Variants in FANCA observed in about 807,000 individuals in gnomAD.
The protein encoded by FANCA is FA complementation group A, also known as Fanconi anemia group A protein.
A neutral mutation model predicts 194.3 loss-of-function variants in FANCA; 236 were observed. The observed-to-expected ratio is 1.21, with a 90% confidence interval of 1.09 to 1.35. FANCA has a LOEUF of 1.35. FANCA is among the 40% of genes most tolerant of loss of function. The probability of loss-of-function intolerance (pLI) is 0.00; values close to 1 mark genes in which losing one functional copy is unlikely to be tolerated. For missense variants in FANCA, 2,628 were observed against 1,813.9 expected, an observed-to-expected ratio of 1.45 and a Z score of -8.15; for synonymous variants, 1,014 against 715.8, an observed-to-expected ratio of 1.42 and a Z score of -6.65.
rs113265242 is a variant in FANCA, at chr16:89,804,985, G to C, written c.709+295C>G. On this transcript the variant is annotated intron_variant, in intron 7 of 42. Coordinates refer to ENST00000389301, the MANE Select transcript of FANCA (RefSeq NM_000135.4). ...CAGGAGGCGGAGGTTGCAGTGAGCTGAGATCGCGCCACTGTACTCCAGCCT... is the reference window on the plus strand; with the variant it reads ...CAGGAGGCGGAGGTTGCAGTGAGCTCAGATCGCGCCACTGTACTCCAGCCT... 3.9e-5 allele frequency among the ~76,000 whole-genome samples: 6 copies of C among 152,314 alleles called. 1 individual carries two copies. Among genetic ancestry groups the C allele is most frequent in the African/African-American group, 1.4e-4 (6 of 41,578 alleles).
chr16:89,798,314 T>G (rs556552822), intron 10 of FANCA: 1 of 1,020,636 alleles, frequency 9.8e-7, no homozygotes, highest in African/African-American at 1.7e-5. Flanking sequence ...CTCTGGCACT[T>G]TGTTACAGCA....
intron 8 of FANCA, among the ~76,000 whole-genome samples, chr16:89,800,932 C>G (rs1371907844): frequency 2.0e-5 from 3 of 150,948 alleles, no homozygotes; most frequent in Admixed American, 6.6e-5. Context: ...ACTCGGGAGA[C>G]TGAGGCAGGA....
chr16:89,779,367 C>G (rs1042351101), intron 18 of FANCA, among the ~76,000 whole-genome samples: 3 of 152,088 alleles, frequency 2.0e-5, no homozygotes, highest in Non-Finnish European at 4.4e-5. Context: ...CACCAGAATT[C>G]AAGATGTTTT....
intron 27 of FANCA, among the ~76,000 whole-genome samples, chr16:89,765,326 C>T (rs1005077838): frequency 1.3e-5 from 2 of 151,224 alleles, no homozygotes; most frequent in Admixed American, 1.3e-4. Flanking sequence ...CAACACACAA[C>T]CCCACGTTCA....
Position 89,805,320 on chromosome 16 carries a change from T to G in FANCA, c.669A>C (p.Ala223=). ...TGGCGACGTCAGCATGCTGGCAGGATGCTTCCATCTGTTCACAAAGGCAGC... is the reference window on the plus strand; with the variant it reads ...TGGCGACGTCAGCATGCTGGCAGGAGGCTTCCATCTGTTCACAAAGGCAGC... ...NLCCLCEQME[A]SCQHADVARA... is the part of the protein sequence containing the mutation. Residue 223 remains alanine (A), a synonymous_variant, in exon 7 of 43, where the codon GCA becomes GCC. Transcript: ENST00000389301. The G allele has an allele frequency of 6.2e-7, 1 of 1,614,044 alleles. No individual in the cohort carries two copies. The highest frequency in any genetic ancestry group is 2.2e-5 in the East Asian group (1 of 44,878).
intron 32 of FANCA, 134 bp from the exon 33 acceptor site, chr16:89,748,901 G>A (rs2038484000): frequency 1.4e-6 from 1 of 737,388 alleles, no homozygotes; most frequent in South Asian, 1.5e-5. Context: ...CTTGGCCTGT[G>A]TCCCTCTGTC....
intron 13 of FANCA, 63 bp downstream of exon 13, chr16:89,791,864 C>G: frequency 6.2e-7 from 1 of 1,607,142 alleles, no homozygotes; most frequent in South Asian, 1.1e-5. Flanking sequence ...TCAGCTGGGA[C>G]TCTGCTGACA....
Position 89,752,205 on chromosome 16 carries a change from T to A in FANCA, c.2999A>T (p.His1000Leu). Residue 1000 changes from histidine (H) to leucine (L), a missense_variant, in exon 31 of 43, where the codon CAC becomes CTC. By Grantham distance (99) the His-to-Leu change is moderately conservative. Transcript: ENST00000389301. ...AAAGACCAAATCAGAATTTTCTGAG[T>A]GGTCATAACTCCTTGAGCTGAAATG... Reference protein sequence around the residue: ...DFHQSSRSYDHSENSDLVFGG... With the variant: ...DFHQSSRSYDLSENSDLVFGG... 1 of 1,613,844 alleles carries A rather than the reference T, an allele frequency of 6.2e-7. No homozygotes were observed. Among genetic ancestry groups the A allele is most frequent in the Non-Finnish European group, 8.5e-7 (1 of 1,179,792 alleles).
rs149797103 is a variant in FANCA at position 89,744,961 on chromosome 16, G to A, written c.3624C>T (p.Ser1208=). Residue 1208 remains serine, a splice_region_variant and synonymous_variant, in exon 36 of 43, where the codon AGC becomes AGT. Coordinates refer to ENST00000389301, the MANE Select transcript of FANCA (RefSeq NM_000135.4). Reference sequence around the variant, plus strand: ...CCCATCTCACCACCCACACGTACTCGCTGGCAAACTGCCGGCCTTCTTGTA... The same window carrying A: ...CCCATCTCACCACCCACACGTACTCACTGGCAAACTGCCGGCCTTCTTGTA... ...QKLQEGRQFA[S]DFLSPEAASP... 5.9e-5 allele frequency: 95 copies of A among 1,611,568 alleles called. No homozygotes were observed. The highest frequency in any genetic ancestry group is 5.5e-5 in the South Asian group (5 of 90,994).
chr16:89,815,227 G>C (rs1437534083), intron 2 of FANCA, among the ~76,000 whole-genome samples: 4 of 151,848 alleles, frequency 2.6e-5, no homozygotes, highest in African/African-American at 9.7e-5. Flanking sequence ...AGTAGTGACG[G>C]GGTTTCACCA....
Position 89,740,055 on chromosome 16 carries a change from G to T in FANCA, c.3873C>A (p.Ile1291=), listed in dbSNP as rs2062089414. The T allele has an allele frequency of 6.2e-7, 1 of 1,614,176 alleles. No homozygotes were observed. The highest frequency in any genetic ancestry group is 8.5e-7 in the Non-Finnish European group (1 of 1,180,042). Reference sequence around the variant, plus strand: ...TCTTCCTCTTCTCTAAACACTCGAGGATTGCTGCACAAACGTGGAAAGCCT... The same window carrying T: ...TCTTCCTCTTCTCTAAACACTCGAGTATTGCTGCACAAACGTGGAAAGCCT... ...LPKAFHVCAA[I]LECLEKRKIS... Residue 1291 remains isoleucine, a synonymous_variant, in exon 39 of 43, where the codon ATC becomes ATA. Coordinates refer to ENST00000389301, the MANE Select transcript of FANCA (RefSeq NM_000135.4).
chr16:89,797,831 G>A (rs2040299996), intron 10 of FANCA, among the ~76,000 whole-genome samples: 1 of 151,942 alleles, frequency 6.6e-6, no homozygotes. Context: ...GGAGGCAGAG[G>A]TTGCAGTGAG....
intron 11 of FANCA, among the ~76,000 whole-genome samples, chr16:89,794,047 GC>G (rs2040162626): frequency 6.6e-6 from 1 of 151,836 alleles, no homozygotes; most frequent in African/African-American, 2.4e-5. Context: ...ACTGCTCCTG[GC>G]CAAAAAGTTG....
intron 24 of FANCA, 56 bp from the exon 25 acceptor site, chr16:89,770,315 C>G (rs2039281042): frequency 1.4e-6 from 2 of 1,431,382 alleles, no homozygotes; most frequent in South Asian, 1.2e-5. Context: ...GCACATCCCT[C>G]CAACAGCTAA....
At position 89,738,369 on chromosome 16, in the gene FANCA, C is replaced by T. The variant is rs1325300725; in HGVS notation, c.*232G>A. 10 of 1,448,302 alleles carry T rather than the reference C, an allele frequency of 6.9e-6. No individual in the cohort carries two copies. Among genetic ancestry groups the T allele is most frequent in the African/African-American group, 2.8e-5 (2 of 70,974 alleles). 89.7% of individuals were successfully genotyped at this position (1,448,302 alleles called of 1,614,324 possible). A position where few individuals can be genotyped will look rare whatever the true frequency, so the allele number is the denominator to read the frequency against. On this transcript the variant is annotated 3_prime_UTR_variant, in exon 43 of 43. Transcript: ENST00000389301. ...TGCTGCCCGCCCTTGGTGCTGGAGG[C>T]GGGCTTGGTGTCCGGCTCAAGTAGC... is the stretch of plus-strand genomic sequence containing the variant.
intron 30 of FANCA, among the ~76,000 whole-genome samples, chr16:89,758,040 G>C (rs533927444): frequency 2.0e-5 from 3 of 152,178 alleles, no homozygotes; most frequent in Non-Finnish European, 4.4e-5. Flanking sequence ...ATTTTTAGTA[G>C]AGAGGGAGGT....
In FANCA at chr16:89,808,411, C is replaced by A. The variant is rs532903674; in HGVS notation, c.523-44G>T. On this transcript the variant is annotated intron_variant, in intron 5 of 42. Transcript: ENST00000389301. ...CAAACAAAAACAAAAACAAAAAAAC[C>A]CCCAGCATTCTGAGTCCTTTATGAA... 2.2e-5 allele frequency: 35 copies of A among 1,586,696 alleles called. No individual in the cohort carries two copies. The East Asian group carries it at 4.9e-4, about 22-fold the overall frequency.
At chr16:89,812,721 A>G (rs2040944061) in intron 3 of FANCA, among the ~76,000 whole-genome samples, 2 of 151,288 alleles carry the variant, frequency 1.3e-5, no homozygotes, top group African/African-American at 2.4e-5. Flanking sequence ...CTCTAAAAAC[A>G]CATTATCAAT....
At position 89,784,795 on chromosome 16, in the gene FANCA, T is replaced by G. The variant is rs771203941; in HGVS notation, c.1470+59A>C. 111 of 1,355,936 alleles carry G rather than the reference T, an allele frequency of 8.2e-5. 1 individual carries two copies. Among genetic ancestry groups the G allele is most frequent in the Non-Finnish European group, 1.0e-4 (96 of 944,700 alleles). 84.0% of individuals were successfully genotyped at this position (1,355,936 alleles called of 1,614,324 possible). A position where few individuals can be genotyped will look rare whatever the true frequency, so the allele number is the denominator to read the frequency against. ...GCTCTTGGGGAGGCCAAGGCAGTCC[T>G]CAGATGCAGCAGGTGAGCGAAGCAC... On this transcript the variant is annotated intron_variant, in intron 15 of 42. Coordinates refer to ENST00000389301, the MANE Select transcript of FANCA (RefSeq NM_000135.4).
Sources: gnomAD v4.1 joint callset for allele counts (sites outside exome capture counted in the v4.1 genomes callset) on GRCh38, gnomAD v4.1.1 for gene constraint, MANE v1.5 for transcripts, NCBI Gene and HGNC (gene_info 2026-07-23, HGNC 2026-07-21) for gene names.